The following SUMO3 variants were observed in gnomAD, a reference collection of about 807,000 sequenced individuals.
The protein encoded by SUMO3 is small ubiquitin-related modifier 3.
A neutral mutation model predicts 11.1 loss-of-function variants in SUMO3; 2 were observed. The observed-to-expected ratio is 0.18, with a 90% CI of 0.07 to 0.57. SUMO3 has a LOEUF of 0.57. SUMO3 is among the 20% of genes least tolerant of loss of function. SUMO3 has a pLI of 0.92. For synonymous variants in SUMO3, 56 were observed against 53.5 expected, an observed-to-expected ratio of 1.05 and a Z score of -0.20; for missense variants, 70 against 132.8, an observed-to-expected ratio of 0.53 and a Z score of 2.32.
rs769253131 is a variant in SUMO3 at position 44,809,042 on chromosome 21, C to A, written c.222+5G>T. 2 of 1,613,210 alleles carry A rather than the reference C, an allele frequency of 1.2e-6. No homozygotes were observed. The stretch of plus-strand genomic sequence containing the variant: ...CCCTGGAACCACGCGAAGCCAGCTC[C>A]GTACCTGTGCTGGAGTGTCAGTTTC... On this transcript the variant is annotated splice_donor_5th_base_variant and intron_variant, in intron 3 of 3. Transcript: ENST00000332859.
In SUMO3 at chr21:44,806,532, T is replaced by A. The variant is rs925197436; in HGVS notation, c.*419A>T. The A allele has an allele frequency of 4.6e-5, 8 of 175,820 alleles. No individual in the cohort carries two copies. The highest frequency in any genetic ancestry group is 1.9e-4 in the African/African-American group (8 of 41,988). The allele number at this position is 175,820 out of a possible 1,614,324, so 10.9% of individuals were successfully genotyped here. On this transcript the variant is annotated 3_prime_UTR_variant, in exon 4 of 4. Coordinates refer to ENST00000332859, the MANE Select transcript of SUMO3 (RefSeq NM_006936.3). ...TTGCCCCCAATACCTGTCCAACAGC[T>A]GCATCCCCACTGCGGGAAACACCAA...
At chr21:44,813,733 G>A (rs1352533399) in intron 2 of SUMO3, 23 of 1,334,248 alleles carry the variant, frequency 1.7e-5, no homozygotes, top group Non-Finnish European at 2.3e-5. Flanking sequence ...GCCCTGTCAG[G>A]AAGAAAAACC....
chr21:44,808,319 T>C (rs1275968934), intron 3 of SUMO3: 9 of 359,972 alleles, frequency 2.5e-5, no homozygotes, highest in Non-Finnish European at 4.0e-5. Context: ...GAGACCATCC[T>C]GGCTAACATG....
intron 2 of SUMO3, among the ~76,000 whole-genome samples, chr21:44,809,970 G>A (rs1452451504): frequency 6.6e-6 from 1 of 152,138 alleles, no homozygotes; most frequent in Non-Finnish European, 1.5e-5. Flanking sequence ...TTCTCAGCAA[G>A]GAACAGGTTG....
At chr21:44,816,744 G>A (rs1190725295) in intron 1 of SUMO3, among the ~76,000 whole-genome samples, 2 of 152,030 alleles carry the variant, frequency 1.3e-5, no homozygotes, top group Admixed American at 6.5e-5. Context: ...GAGACTGGAG[G>A]GAGGCACACC....
At chr21:44,817,847 TCAG>T (rs2083257202) in intron 1 of SUMO3, 98 bp downstream of exon 1, 2 of 98 alleles carry the variant, frequency 0.02, no homozygotes, top group Non-Finnish European at 0.036. Context: ...GCGGAGCCTG[TCAG>T]GGGCGGGACG....
intron 1 of SUMO3, among the ~76,000 whole-genome samples, chr21:44,816,377 T>C (rs996734442): frequency 6.6e-6 from 1 of 152,160 alleles, no homozygotes; most frequent in Non-Finnish European, 1.5e-5. Flanking sequence ...GCCATCTGGA[T>C]AGGGCAGGTT....
intron 1 of SUMO3, among the ~76,000 whole-genome samples, 167 bp downstream of exon 1, chr21:44,817,781 G>C (rs2083256219): frequency 6.7e-6 from 1 of 149,154 alleles, no homozygotes; most frequent in Admixed American, 6.6e-5. Flanking sequence ...CGGGGGCAGA[G>C]GGGGCGCACC....
In SUMO3 at chr21:44,814,099, A is replaced by G. The variant is rs768685059; in HGVS notation, c.27T>C (p.Gly9=). Reference sequence around the variant, plus strand: ...TGATGTGGTCATTCTCTGTCTTCACACCCTCCTGCAGAAGACACCAGAGAC... The same window carrying G: ...TGATGTGGTCATTCTCTGTCTTCACGCCCTCCTGCAGAAGACACCAGAGAC... MSEEKPKE[G]VKTENDHINL... is the part of the protein sequence containing the mutation. The change falls in exon 2 of 4, where the codon GGT becomes GGC. Residue 9 remains glycine, a synonymous_variant. Coordinates refer to ENST00000332859, the MANE Select transcript of SUMO3 (RefSeq NM_006936.3). 2 of 1,613,378 alleles carry G rather than the reference A, an allele frequency of 1.2e-6. No individual in the cohort carries two copies. Among genetic ancestry groups the G allele is most frequent in the Non-Finnish European group, 1.7e-6 (2 of 1,179,734 alleles).
intron 2 of SUMO3, among the ~76,000 whole-genome samples, chr21:44,812,517 A>C (rs1015689224): frequency 1.3e-5 from 2 of 152,236 alleles, no homozygotes; most frequent in African/African-American, 2.4e-5. Flanking sequence ...AGTCACGTTC[A>C]GCCATGCAGT....
intron 2 of SUMO3, among the ~76,000 whole-genome samples, chr21:44,813,091 CT>C (rs1490920317): frequency 1.3e-5 from 2 of 152,268 alleles, no homozygotes; most frequent in Non-Finnish European, 2.9e-5. Flanking sequence ...GTGACTGCCC[CT>C]ATGAGCAGGG....
rs1377991127 is a variant in SUMO3, at chr21:44,807,510, C to G, written c.223-470G>C. Among the ~76,000 whole-genome samples the G allele has an allele frequency of 6.6e-6, 1 of 152,146 alleles. No homozygotes were observed. Among genetic ancestry groups the G allele is most frequent in the Non-Finnish European group, 1.5e-5 (1 of 68,020 alleles). On this transcript the variant is annotated intron_variant, in intron 3 of 3. Transcript: ENST00000332859. The surrounding 1 kb of genome is among the most constrained non-coding windows in gnomAD (Gnocchi z 4.3). ...CAGAAGGGCCCGTCAAGTGAGGGTC[C>G]ATTGCCAGCTTCTCCCCGCCCCTCC...
At chr21:44,816,877 G>A (rs2083246889) in intron 1 of SUMO3, among the ~76,000 whole-genome samples, 1 of 144,122 alleles carries the variant, frequency 6.9e-6, no homozygotes, top group Non-Finnish European at 1.5e-5. Flanking sequence ...ATAGGGAGGG[G>A]TGGGCACACA....
rs1434560759 is a variant in SUMO3 at position 44,814,075 on chromosome 21, G to C, written c.51C>G (p.Ile17Met). 6.2e-6 allele frequency: 10 copies of C among 1,613,888 alleles called. No individual in the cohort carries two copies. Among genetic ancestry groups the C allele is most frequent in the Non-Finnish European group, 8.5e-6 (10 of 1,180,040 alleles). The change falls in exon 2 of 4, where the codon ATC (isoleucine) becomes ATG (methionine). Residue 17 changes from isoleucine (I) to methionine (M), a missense_variant. Ile to Met is a conservative substitution (Grantham distance 10). Coordinates refer to ENST00000332859, the MANE Select transcript of SUMO3 (RefSeq NM_006936.3). ...CGTCCTGCCCGGCCACCTTCAGGTT[G>C]ATGTGGTCATTCTCTGTCTTCACAC... ...KEGVKTENDH[I>M]NLKVAGQDGS... is the part of the protein sequence containing the mutation.
chr21:44,814,030 C>G lies in SUMO3; in HGVS notation c.96G>C (p.Lys32Asn). The G allele has an allele frequency of 2.5e-6, 4 of 1,613,828 alleles. No homozygotes were observed. Among genetic ancestry groups the G allele is most frequent in the Non-Finnish European group, 2.5e-6 (3 of 1,180,034 alleles). The change falls in exon 2 of 4, where the codon AAG (lysine) becomes AAC (asparagine). Residue 32 changes from lysine to asparagine, a missense_variant. By Grantham distance (94) the Lys-to-Asn change is moderately conservative. Transcript: ENST00000332859. The part of the protein sequence containing the change: ...AGQDGSVVQF[K>N]IKRHTPLSKL... ...TGCTCAGCGGCGTGTGCCTCTTGAT[C>G]TTGAACTGCACCACGGAGCCGTCCT...
At chr21:44,808,038 A>G (rs2083188204) in intron 3 of SUMO3, among the ~76,000 whole-genome samples, 1 of 152,258 alleles carries the variant, frequency 6.6e-6, no homozygotes, top group Non-Finnish European at 1.5e-5. Flanking sequence ...AATGTTTTGC[A>G]AAAATATTTC....
chr21:44,812,621 G>A (rs1283506217), intron 2 of SUMO3, among the ~76,000 whole-genome samples: 4 of 152,180 alleles, frequency 2.6e-5, no homozygotes, highest in Admixed American at 2.0e-4. Context: ...ACTAATCCAG[G>A]AAACACCCAA....
intron 1 of SUMO3, 91 bp from the exon 2 acceptor site, chr21:44,814,195 T>C: frequency 3.3e-6 from 5 of 1,538,416 alleles, no homozygotes; most frequent in African/African-American, 1.4e-5. Context: ...GTTGGCTTTT[T>C]AAAGTCATCA....
rs2083212271 is a variant in SUMO3 at position 44,811,489 on chromosome 21, T to C, written c.151-2371A>G. ...CGGGAGGCTGAGGTGGGAGGATCAC[T>C]TGAGCCCCAGGGCTCAAGGCTGCAG... On this transcript the variant is annotated intron_variant, in intron 2 of 3. Transcript: ENST00000332859. The surrounding 1 kb of genome is among the most constrained non-coding windows in gnomAD (Gnocchi z 5.0). 6.6e-6 allele frequency among the ~76,000 whole-genome samples: 1 copy of C among 152,122 alleles called. No individual in the cohort carries two copies. Among genetic ancestry groups the C allele is most frequent in the African/African-American group, 2.4e-5 (1 of 41,418 alleles).
Sources: gnomAD v4.1 joint callset for allele counts (sites outside exome capture counted in the v4.1 genomes callset) on GRCh38, gnomAD v4.1.1 for gene constraint, Gnocchi (gnomAD v3.1) non-coding constraint, MANE v1.5 for transcripts, NCBI Gene and HGNC (gene_info 2026-07-23, HGNC 2026-07-21) for gene names.